Variants in NRXN1 observed in about 807,000 individuals in gnomAD.
NRXN1 encodes the protein neurexin 1, also known as neurexin-1.
Under a neutral mutation model 150.9 loss-of-function variants are expected in NRXN1, and 39 were observed. The observed-to-expected ratio is 0.26, with a 90% CI of 0.20 to 0.34. The LOEUF (loss-of-function observed/expected upper bound fraction) is 0.34, where lower values mean the gene tolerates loss of function less well. NRXN1 is among the 10% of genes least tolerant of loss of function. The probability of loss-of-function intolerance (pLI) is 1.00; values close to 1 mark genes in which losing one functional copy is unlikely to be tolerated. For missense variants in NRXN1, 1,815 were observed against 1,949.9 expected (o/e 0.93, Z 1.30); for synonymous variants, 924 against 757.0 (o/e 1.22, Z -3.62).
intron 18 of NRXN1, among the ~76,000 whole-genome samples, chr2:50,096,549 A>C (rs1002412455): frequency 6.6e-6 from 1 of 152,202 alleles, no homozygotes; most frequent in Admixed American, 6.5e-5. Flanking sequence ...ATTTCACTGG[A>C]CATGTCTTTA....
intron 17 of NRXN1, among the ~76,000 whole-genome samples, chr2:50,340,402 G>C (rs1349098786): frequency 6.6e-6 from 1 of 152,128 alleles, no homozygotes; most frequent in Admixed American, 6.5e-5. Context: ...GAAAGAAGCG[G>C]GTGCTTTTCT....
rs1197146259 is a variant in NRXN1 at position 49,982,471 on chromosome 2, C to CTTAA, written c.4129-38681_4129-38680insTTAA. On this transcript the variant is annotated intron_variant, in intron 21 of 22. Transcript: ENST00000401669. ...ATTACATGACCACAAAAAAGTAAAT[C>CTTAA]TACTTAAAAAAAACACACAAAATCC... Among the ~76,000 whole-genome samples, 3 of 114,740 alleles carry CTTAA rather than the reference C, an allele frequency of 2.6e-5. No individual in the cohort carries two copies. In the East Asian group the frequency reaches 6.7e-4, roughly 26 times the overall value. 75.3% of individuals were successfully genotyped at this position (114,740 alleles called of 152,430 possible).
intron 5 of NRXN1, among the ~76,000 whole-genome samples, chr2:50,697,921 T>C (rs1405723773): frequency 6.6e-6 from 1 of 152,154 alleles, no homozygotes; most frequent in Admixed American, 6.6e-5. Flanking sequence ...CGGCTGCACT[T>C]CCTGCTACTC....
At position 50,756,571 on chromosome 2, in the gene NRXN1, T is replaced by G. The variant is rs1162343761; in HGVS notation, c.833-132956A>C. ...TTCTGCAAAAAGCAGCGACTGCATTTTTTTGCATAAACGTGTGCATTGCAG... is the reference window on the plus strand; with the variant it reads ...TTCTGCAAAAAGCAGCGACTGCATTGTTTTGCATAAACGTGTGCATTGCAG... On this transcript the variant is annotated intron_variant, in intron 5 of 22. Transcript: ENST00000401669. 4.0e-5 allele frequency among the ~76,000 whole-genome samples: 6 copies of G among 151,858 alleles called. No individual in the cohort carries two copies. In the East Asian group the frequency reaches 1.2e-3, roughly 30 times the overall value.
intron 2 of NRXN1, among the ~76,000 whole-genome samples, chr2:50,973,999 TA>T (rs11308522): frequency 0.44 from 66,770 of 151,236 alleles, 14,816 homozygotes; most frequent in Admixed American, 0.5. Flanking sequence ...ACATCTGATG[TA>T]AAAAAAAATA....
chr2:50,050,159 CTT>C (rs35146990), intron 21 of NRXN1, among the ~76,000 whole-genome samples: 3 of 141,644 alleles, frequency 2.1e-5, no homozygotes, highest in Non-Finnish European at 4.6e-5. Flanking sequence ...AGCAAAACTT[CTT>C]TTTTTTTTTT....
At chr2:50,761,224 G>A (rs1446300169) in intron 5 of NRXN1, among the ~76,000 whole-genome samples, 2 of 151,824 alleles carry the variant, frequency 1.3e-5, no homozygotes, top group African/African-American at 2.4e-5. Flanking sequence ...ATTGTCCAGT[G>A]CAGTGGCTAT....
At chr2:50,903,688 G>C (rs1683267506) in intron 5 of NRXN1, among the ~76,000 whole-genome samples, 1 of 152,108 alleles carries the variant, frequency 6.6e-6, no homozygotes, top group South Asian at 2.1e-4. Flanking sequence ...GTGAAAACTT[G>C]AAATTATTTC....
chr2:50,081,942 T>C (rs939937979), intron 19 of NRXN1, among the ~76,000 whole-genome samples: 5 of 152,140 alleles, frequency 3.3e-5, no homozygotes, highest in African/African-American at 7.2e-5. Flanking sequence ...ACAAAGATAC[T>C]TTTAGGTAAT....
At chr2:50,148,928 G>A (rs1411450305) in intron 18 of NRXN1, among the ~76,000 whole-genome samples, 1 of 151,694 alleles carries the variant, frequency 6.6e-6, no homozygotes, top group Non-Finnish European at 1.5e-5. Context: ...CTTTTGGTAT[G>A]GGGGTGCCAG....
At chr2:50,463,556 G>A (rs887163354) in intron 17 of NRXN1, among the ~76,000 whole-genome samples, 3 of 151,694 alleles carry the variant, frequency 2.0e-5, no homozygotes, top group African/African-American at 4.8e-5. Flanking sequence ...AGAAAATAAC[G>A]AATAGCCTTA....
chr2:49,993,903 A>G (rs1370985271), intron 21 of NRXN1, among the ~76,000 whole-genome samples: 1 of 152,208 alleles, frequency 6.6e-6, no homozygotes, highest in African/African-American at 2.4e-5. Context: ...AAGAACTCTT[A>G]GAAGAACTGG....
chr2:50,347,469 A>C lies in NRXN1; in HGVS notation c.3365-110499T>G. 1 of 1,077,050 alleles carries C rather than the reference A, an allele frequency of 9.3e-7. No individual in the cohort carries two copies. Among genetic ancestry groups the C allele is most frequent in the South Asian group, 2.3e-5 (1 of 44,314 alleles). The allele number at this position is 1,077,050 out of a possible 1,614,324, so 66.7% of individuals were successfully genotyped here. A position where few individuals can be genotyped will look rare whatever the true frequency, so the allele number is the denominator to read the frequency against. ...CAACCTCCTTTCAAGACAGAAGCAG[A>C]CCCCATGGAATCCAGGCGCCCCTTC... On this transcript the variant is annotated intron_variant, in intron 17 of 22. Coordinates refer to ENST00000401669, the MANE Select transcript of NRXN1 (RefSeq NM_001330078.2). The surrounding 1 kb of genome is among the most constrained non-coding windows in gnomAD (Gnocchi z 4.9).
chr2:50,645,433 T>C (rs1684682632), intron 5 of NRXN1, among the ~76,000 whole-genome samples: 1 of 151,934 alleles, frequency 6.6e-6, no homozygotes, highest in Non-Finnish European at 1.5e-5. Flanking sequence ...TTTAGCAGGC[T>C]TTAGTTTTCT....
chr2:50,829,536 T>C (rs1285128903), intron 5 of NRXN1: 2 of 1,610,680 alleles, frequency 1.2e-6, no homozygotes, highest in Non-Finnish European at 8.5e-7. Context: ...GATGGCCTTA[T>C]AAGGGATCTT....
At chr2:50,052,252 C>G (rs1692830452) in intron 21 of NRXN1, among the ~76,000 whole-genome samples, 1 of 152,018 alleles carries the variant, frequency 6.6e-6, no homozygotes, top group Non-Finnish European at 1.5e-5. Flanking sequence ...ATGCATTTTT[C>G]TGGAAAAGTA....
intron 18 of NRXN1, among the ~76,000 whole-genome samples, chr2:50,170,865 G>A (rs547465677): frequency 6.6e-6 from 1 of 151,438 alleles, no homozygotes; most frequent in South Asian, 2.1e-4. Flanking sequence ...TTGAAAATCT[G>A]TGCATAACTT....
At chr2:50,877,188 C>G (rs969073483) in intron 5 of NRXN1, among the ~76,000 whole-genome samples, 1 of 151,810 alleles carries the variant, frequency 6.6e-6, no homozygotes, top group African/African-American at 2.4e-5. Context: ...CACATAGACA[C>G]ACACATATAC....
intron 5 of NRXN1, among the ~76,000 whole-genome samples, chr2:50,664,573 G>A (rs1357697110): frequency 8.6e-5 from 13 of 151,646 alleles, no homozygotes; most frequent in Non-Finnish European, 1.6e-4. Flanking sequence ...CCCTTGATTC[G>A]CTTGAAAAAT....
Sources: allele counts gnomAD v4.1 joint callset (sites outside exome capture counted in the v4.1 genomes callset), GRCh38; gene constraint gnomAD v4.1.1; non-coding constraint Gnocchi (gnomAD v3.1); transcripts MANE v1.5; gene names NCBI Gene and HGNC (gene_info 2026-07-23, HGNC 2026-07-21).